The following BCAR1 variants were observed in gnomAD, a reference collection of about 807,000 sequenced individuals.
The protein encoded by BCAR1 is BCAR1 scaffold protein, Cas family member, also known as breast cancer anti-estrogen resistance protein 1.
BCAR1 carries 30 observed loss-of-function variants against 67.6 expected under a neutral mutation model. The ratio of observed to expected loss-of-function variants is 0.44; its 90% CI spans 0.33 to 0.60. The LOEUF is 0.60. Ranked by LOEUF, BCAR1 falls within the 20% of genes least tolerant of loss-of-function variation. The pLI is 0.02. For missense variants in BCAR1, 1,313 were observed against 1,222.3 expected (o/e 1.07, Z -1.11); for synonymous variants, 626 against 556.7 (o/e 1.12, Z -1.75).
intron 1 of BCAR1, among the ~76,000 whole-genome samples, chr16:75,259,100 T>C (rs897482002): frequency 1.3e-5 from 2 of 152,162 alleles, no homozygotes; most frequent in Admixed American, 6.5e-5. Context: ...CCTAAGACAC[T>C]TAACCTCCCA....
Position 75,234,946 on chromosome 16 carries a change from C to T in BCAR1, c.1953G>A (p.Gly651=). The change falls in exon 5 of 7, where the codon GGG becomes GGA. Residue 651 remains glycine, a synonymous_variant. Transcript: ENST00000162330. ...AGCCCCCCTCGCTGTTCTCGTACTG[C>T]CCATCTGGCGAGTCCTGGGAGGTGA... is the stretch of plus-strand genomic sequence containing the variant. ...PKFTSQDSPD[G]QYENSEGGWM... 6.3e-7 allele frequency: 1 copy of T among 1,581,026 alleles called. No homozygotes were observed. Among genetic ancestry groups the T allele is most frequent in the East Asian group, 2.3e-5 (1 of 44,370 alleles).
chr16:75,239,590 C>G (rs1011408913), intron 2 of BCAR1, among the ~76,000 whole-genome samples: 2 of 152,222 alleles, frequency 1.3e-5, no homozygotes, highest in Non-Finnish European at 2.9e-5. Context: ...ATGGGTGTCG[C>G]CCCTGACCTG....
intron 2 of BCAR1, chr16:75,238,163 G>A: frequency 7.9e-7 from 1 of 1,272,022 alleles, no homozygotes; most frequent in South Asian, 1.3e-5. Context: ...GGCCTGCCCA[G>A]GGCCACAGGA....
rs1372784703 is a variant in BCAR1 at position 75,228,911 on chromosome 16, G to A, written c.*600C>T. ...CTCGGCGTTCCTTGGTTTTCTTCTAGAGAGACCCACTCCTCCTCTGCCCTC... is the reference window on the plus strand; with the variant it reads ...CTCGGCGTTCCTTGGTTTTCTTCTAAAGAGACCCACTCCTCCTCTGCCCTC... On this transcript the variant is annotated 3_prime_UTR_variant, in exon 7 of 7. Coordinates refer to ENST00000162330, the MANE Select transcript of BCAR1 (RefSeq NM_014567.5). 3 of 152,306 alleles carry A rather than the reference G, an allele frequency of 2.0e-5. No individual in the cohort carries two copies. The highest frequency in any genetic ancestry group is 4.4e-5 in the Non-Finnish European group (3 of 68,242). The allele number at this position is 152,306 out of a possible 1,614,324, so 9.4% of individuals were successfully genotyped here.
intron 1 of BCAR1, among the ~76,000 whole-genome samples, chr16:75,259,488 G>A (rs1285636944): frequency 6.6e-6 from 1 of 152,078 alleles, no homozygotes; most frequent in African/African-American, 2.4e-5. Context: ...GGTAGAGACA[G>A]ATATCCATCC....
At position 75,245,964 on chromosome 16, in the gene BCAR1, C is replaced by CTTTTTTTTTTTTTTTTTTTTTTTT. The variant is rs60320561; in HGVS notation, c.13-2898_13-2875dup. 5 of 49,638 alleles carry CTTTTTTTTTTTTTTTTTTTTTTTT rather than the reference C, an allele frequency of 1.0e-4. 1 individual carries two copies. The highest frequency in any genetic ancestry group is 2.3e-4 in the African/African-American group (3 of 13,148). The allele number at this position is 49,638 out of a possible 1,614,324, so 3.1% of individuals were successfully genotyped here. ...ACAGCCCTCATTTCATAGGATTGTT[C>CTTTTTTTTTTTTTTTTTTTTTTTT]TTTTTTTTTTTTTTTTTTTTTTTTT... On this transcript the variant is annotated intron_variant, in intron 1 of 6. Transcript: ENST00000162330.
At chr16:75,250,546 G>A (rs2077648127) in intron 1 of BCAR1, 3 of 777,506 alleles carry the variant, frequency 3.9e-6, no homozygotes, top group Non-Finnish European at 4.7e-6. Flanking sequence ...GAGGGAACGG[G>A]AGCCTTGTGG....
At chr16:75,231,160 G>C (rs140629852) in intron 6 of BCAR1, among the ~76,000 whole-genome samples, 1,840 of 149,468 alleles carry the variant, frequency 0.012, 35 homozygotes, top group African/African-American at 0.038. Flanking sequence ...GAAGTGGCAC[G>C]ATCTCGGCTC....
At chr16:75,253,229 C>T (rs1490709080), upstream of BCAR1, among the ~76,000 whole-genome samples, 1 of 152,212 alleles carries the variant, frequency 6.6e-6, no homozygotes, top group African/African-American at 2.4e-5. Context: ...TGTCCAGCCA[C>T]CCACTCCTCA....
Position 75,248,232 on chromosome 16 carries a change from C to T in BCAR1, c.12+3239G>A, listed in dbSNP as rs1597250661. On this transcript the variant is annotated intron_variant, in intron 1 of 6. Transcript: ENST00000162330. ...GTGGAAACCACCAGAGGAAATGTCA[C>T]AGGCCTTTCCCACCCCTCCTGTCCA... 3.9e-6 allele frequency: 6 copies of T among 1,524,488 alleles called. No individual in the cohort carries two copies. The East Asian group carries it at 1.5e-4, about 38-fold the overall frequency. 94.4% of individuals were successfully genotyped at this position (1,524,488 alleles called of 1,614,324 possible).
At chr16:75,264,692 G>A in intron 1 of BCAR1, 2 of 1,232,990 alleles carry the variant, frequency 1.6e-6, no homozygotes, top group Non-Finnish European at 2.0e-6. Context: ...GCTTCCCTCT[G>A]GTCATCTGCA....
In BCAR1 at chr16:75,235,435, C is replaced by A; in HGVS notation, c.1464G>T (p.Gly488=). Residue 488 remains glycine, a synonymous_variant, in exon 5 of 7, where the codon GGG becomes GGT. Coordinates refer to ENST00000162330, the MANE Select transcript of BCAR1 (RefSeq NM_014567.5). ...LDLAGSAGAT[G]SWRSPSEPQE... is the part of the protein sequence containing the mutation. ...GTGGCTCAGAGGGGCTACGCCAGCT[C>A]CCAGTCGCACCGGCGCTGCCTGCCA... 6.2e-7 allele frequency: 1 copy of A among 1,608,202 alleles called. No individual in the cohort carries two copies. The highest frequency in any genetic ancestry group is 1.1e-5 in the South Asian group (1 of 90,914).
chr16:75,243,154 G>C, intron 1 of BCAR1, 64 bp from the exon 2 acceptor site: 2 of 1,493,008 alleles, frequency 1.3e-6, no homozygotes, highest in Middle Eastern at 1.8e-4. Context: ...GGGCTCCCCA[G>C]CTCCTGCCCT....
chr16:75,231,310 C>G (rs2076892207), intron 6 of BCAR1, among the ~76,000 whole-genome samples: 1 of 152,116 alleles, frequency 6.6e-6, no homozygotes, highest in Admixed American at 6.6e-5. Context: ...GTCTCAAACT[C>G]CTGACCTCAG....
chr16:75,241,558 G>C, intron 2 of BCAR1, among the ~76,000 whole-genome samples: 1 of 152,218 alleles, frequency 6.6e-6, no homozygotes, highest in Non-Finnish European at 1.5e-5. Flanking sequence ...CCAGATGGCT[G>C]AAGGAGCAGG....
intron 1 of BCAR1, chr16:75,266,892 C>T: frequency 1.2e-6 from 1 of 858,932 alleles, no homozygotes; most frequent in Non-Finnish European, 1.6e-6. Flanking sequence ...AGCCCGGGCT[C>T]ATGGCGGGGA....
chr16:75,245,260 A>C (rs1040338933), intron 1 of BCAR1, among the ~76,000 whole-genome samples: 4 of 152,256 alleles, frequency 2.6e-5, no homozygotes, highest in African/African-American at 9.6e-5. Context: ...TACACACCAC[A>C]GAGCTGCCCC....
intron 2 of BCAR1, among the ~76,000 whole-genome samples, chr16:75,240,447 A>C (rs1377542173): frequency 6.6e-6 from 1 of 152,248 alleles, no homozygotes; most frequent in Non-Finnish European, 1.5e-5. Context: ...GCAAAGTCCA[A>C]GGCGGCTCAG....
intron 1 of BCAR1, chr16:75,243,326 C>G: frequency 1.6e-6 from 1 of 634,670 alleles, no homozygotes. Context: ...CCTCAAAATC[C>G]TCTTGACCAC....
Sources: gnomAD v4.1 joint callset for allele counts (sites outside exome capture counted in the v4.1 genomes callset) on GRCh38, gnomAD v4.1.1 for gene constraint, MANE v1.5 for transcripts, NCBI Gene and HGNC (gene_info 2026-07-23, HGNC 2026-07-21) for gene names.